CACNG3: variants seen among roughly 807,000 people sequenced by gnomAD.
CACNG3 encodes voltage-dependent calcium channel gamma-3 subunit.
CACNG3 carries 3 observed loss-of-function variants against 28.5 expected under a neutral mutation model. The observed-to-expected ratio is 0.11, with a 90% confidence interval of 0.05 to 0.27. The LOEUF (loss-of-function observed/expected upper bound fraction) is 0.27, where lower values mean the gene tolerates loss of function less well. Among genes scored for constraint, CACNG3 ranks in the 10% least tolerant of loss-of-function variants. The pLI is 1.00. For missense variants in CACNG3, 236 were observed against 414.4 expected, an observed-to-expected ratio of 0.57 and a Z score of 3.74; for synonymous variants, 174 against 162.2, an observed-to-expected ratio of 1.07 and a Z score of -0.55.
At chr16:24,281,532 A>G (rs1192285707) in intron 1 of CACNG3, among the ~76,000 whole-genome samples, 1 of 152,190 alleles carries the variant, frequency 6.6e-6, no homozygotes, top group Non-Finnish European at 1.5e-5. Context: ...TGAATCCAGC[A>G]TAACAGCATG....
At chr16:24,335,234 A>G (rs1899686529) in intron 1 of CACNG3, among the ~76,000 whole-genome samples, 1 of 152,152 alleles carries the variant, frequency 6.6e-6, no homozygotes, top group Non-Finnish European at 1.5e-5. Context: ...AGCCTGGCCA[A>G]CATGGTGAAA....
At chr16:24,299,347 C>G (rs1188808259) in intron 1 of CACNG3, among the ~76,000 whole-genome samples, 1 of 152,098 alleles carries the variant, frequency 6.6e-6, no homozygotes, top group Non-Finnish European at 1.5e-5. Context: ...TTTCAGCTGC[C>G]TCCTGTGTCC....
intron 1 of CACNG3, among the ~76,000 whole-genome samples, chr16:24,276,547 TTC>T (rs1596624098): frequency 6.6e-6 from 1 of 152,238 alleles, no homozygotes; most frequent in Non-Finnish European, 1.5e-5. Flanking sequence ...TTCCTTCTAG[TTC>T]TGTCTTTTCT....
chr16:24,295,876 C>A (rs1899025287), intron 1 of CACNG3, among the ~76,000 whole-genome samples: 1 of 151,986 alleles, frequency 6.6e-6, no homozygotes, highest in Non-Finnish European at 1.5e-5. Context: ...AACAAAAAAA[C>A]CTCAAACAGG....
At chr16:24,309,470 C>G (rs1859200) in intron 1 of CACNG3, among the ~76,000 whole-genome samples, 58,193 of 152,088 alleles carry the variant, frequency 0.38, 11,547 homozygotes, top group South Asian at 0.62. Context: ...TAAGCTTCTA[C>G]CTCAGGTTGT....
chr16:24,269,757 A>G (rs1299086534), intron 1 of CACNG3, among the ~76,000 whole-genome samples: 2 of 149,786 alleles, frequency 1.3e-5, no homozygotes, highest in African/African-American at 4.9e-5. Context: ...AAAAAAAAAA[A>G]AAAAAAAAAA....
intron 1 of CACNG3, among the ~76,000 whole-genome samples, chr16:24,333,741 C>T (rs1025471107): frequency 4.0e-5 from 6 of 151,692 alleles, no homozygotes; most frequent in African/African-American, 1.5e-4. Flanking sequence ...ACTCAGGAGG[C>T]TAAGGTAGGA....
At chr16:24,348,779 C>T (rs1963060712) in intron 2 of CACNG3, among the ~76,000 whole-genome samples, 1 of 152,154 alleles carries the variant, frequency 6.6e-6, no homozygotes, top group African/African-American at 2.4e-5. Context: ...TACCAGAGTG[C>T]CCATAGATTT....
chr16:24,268,110 C>T (rs1273678635), intron 1 of CACNG3, among the ~76,000 whole-genome samples: 5 of 152,200 alleles, frequency 3.3e-5, no homozygotes, highest in Admixed American at 2.6e-4. Flanking sequence ...CTACTATTAC[C>T]TCCATTTTAT....
chr16:24,337,388 C>T (rs1171065078), intron 1 of CACNG3, among the ~76,000 whole-genome samples: 2 of 152,130 alleles, frequency 1.3e-5, no homozygotes, highest in African/African-American at 4.8e-5. Flanking sequence ...TGACCACTTC[C>T]CAGGATCAGG....
intron 1 of CACNG3, among the ~76,000 whole-genome samples, chr16:24,257,371 GAGAGAGAGAGAGAGAGA>G (rs1898476001): frequency 5.7e-4 from 5 of 8,788 alleles, no homozygotes; most frequent in African/African-American, 1.5e-3. Flanking sequence ...TGAGGGGGGA[GAGAGAGAGAGAGAGAGA>G]GAGAGAGAGA....
chr16:24,332,567 G>T (rs1436769098), intron 1 of CACNG3, among the ~76,000 whole-genome samples: 1 of 151,974 alleles, frequency 6.6e-6, no homozygotes, highest in East Asian at 1.9e-4. Flanking sequence ...CTGACTCGTT[G>T]TTCTCTTATT....
At chr16:24,288,100 C>T (rs149588830) in intron 1 of CACNG3, among the ~76,000 whole-genome samples, 65 of 152,168 alleles carry the variant, frequency 4.3e-4, no homozygotes, top group Middle Eastern at 3.4e-3. Flanking sequence ...TTGAAATAGG[C>T]GTAATTATTC....
At chr16:24,354,705 G>A (rs973440196) in intron 2 of CACNG3, 128 bp from the exon 3 acceptor site, 7 of 905,038 alleles carry the variant, frequency 7.7e-6, no homozygotes, top group Non-Finnish European at 1.0e-5. Flanking sequence ...CTGGTCTCAT[G>A]CCCGTGTTAG....
intron 1 of CACNG3, among the ~76,000 whole-genome samples, chr16:24,326,174 C>CT (rs58752966): frequency 0.062 from 8,757 of 140,942 alleles, 332 homozygotes; most frequent in Non-Finnish European, 0.09. Context: ...TTTCTTTTTT[C>CT]TTTTTTTTTT....
Position 24,345,827 on chromosome 16 carries a change from AG to A in CACNG3, c.212-904del, listed in dbSNP as rs556073830. Among the ~76,000 whole-genome samples, 451 of 152,300 alleles carry A rather than the reference AG, an allele frequency of 3.0e-3. 4 individuals are homozygous for A. The highest frequency in any genetic ancestry group is 4.0e-3 in the Non-Finnish European group (270 of 68,012). On this transcript the variant is annotated intron_variant, in intron 1 of 3. Transcript: ENST00000005284. Reference sequence around the variant, plus strand: ...GCTGTGATCCTTTGGGAGGGCAGAGAGGGAAAGGGAGTGTCCTGTGGTCAGA... The same window carrying A: ...GCTGTGATCCTTTGGGAGGGCAGAGAGGAAAGGGAGTGTCCTGTGGTCAGA...
chr16:24,261,577 C>T (rs1898537613), intron 1 of CACNG3, among the ~76,000 whole-genome samples: 1 of 152,152 alleles, frequency 6.6e-6, no homozygotes, highest in South Asian at 2.1e-4. Flanking sequence ...CTAAATAGCA[C>T]TTTTAATATG....
chr16:24,280,835 A>AAAAAAAG (rs2141351023), intron 1 of CACNG3, among the ~76,000 whole-genome samples: 2 of 151,124 alleles, frequency 1.3e-5, no homozygotes, highest in East Asian at 1.9e-4. Flanking sequence ...AAAAAAAAAA[A>AAAAAAAG]AAAAAAAAAA....
intron 1 of CACNG3, among the ~76,000 whole-genome samples, chr16:24,326,538 C>T (rs754230907): frequency 2.0e-5 from 3 of 152,218 alleles, no homozygotes; most frequent in African/African-American, 7.2e-5. Context: ...AACTTGGTCA[C>T]TTGCCCTCCC....
Sources: allele counts gnomAD v4.1 joint callset (sites outside exome capture counted in the v4.1 genomes callset), GRCh38; gene constraint gnomAD v4.1.1; transcripts MANE v1.5; gene names NCBI Gene and HGNC (gene_info 2026-07-23, HGNC 2026-07-21).